Variants in TMEM132D observed in about 807,000 individuals in gnomAD.
The protein encoded by TMEM132D is mature OL transmembrane protein.
In TMEM132D, 21 loss-of-function variants were observed where a neutral mutation model predicts 62.3. The observed-to-expected ratio is 0.34, with a 90% CI of 0.24 to 0.49. TMEM132D has a LOEUF of 0.49. Ranked by LOEUF, TMEM132D falls within the 20% of genes least tolerant of loss-of-function variation. The pLI is 0.99. For synonymous variants in TMEM132D, 621 were observed against 575.6 expected (o/e 1.08, Z -1.13); for missense variants, 1,346 against 1,402.8 (o/e 0.96, Z 0.65).
intron 2 of TMEM132D, among the ~76,000 whole-genome samples, chr12:129,674,608 C>T (rs565408416): frequency 6.6e-5 from 10 of 152,266 alleles, no homozygotes; most frequent in African/African-American, 1.9e-4. Context: ...GGCACTATCT[C>T]GGCTGACTGC....
chr12:129,125,400 C>T (rs560709336), intron 5 of TMEM132D, among the ~76,000 whole-genome samples: 1 of 152,082 alleles, frequency 6.6e-6, no homozygotes, highest in East Asian at 1.9e-4. Context: ...CTTAATCGTC[C>T]TGTGATTAAG....
At chr12:129,648,764 T>G (rs1352407056) in intron 2 of TMEM132D, among the ~76,000 whole-genome samples, 1 of 152,196 alleles carries the variant, frequency 6.6e-6, no homozygotes, top group Non-Finnish European at 1.5e-5. Flanking sequence ...CAATGAATAA[T>G]GCATCAAATA....
At chr12:129,645,403 A>G (rs1344175691) in intron 2 of TMEM132D, among the ~76,000 whole-genome samples, 1 of 152,014 alleles carries the variant, frequency 6.6e-6, no homozygotes, top group Non-Finnish European at 1.5e-5. Flanking sequence ...TCTATAACTT[A>G]CTGTTCGCTT....
chr12:129,285,399 T>C (rs530978573), intron 4 of TMEM132D, among the ~76,000 whole-genome samples: 47 of 151,514 alleles, frequency 3.1e-4, no homozygotes, highest in Non-Finnish European at 4.9e-4. Context: ...TGGTGGTGCA[T>C]GCCTGTAATC....
intron 4 of TMEM132D, chr12:129,262,564 T>C (rs759057616): frequency 2.0e-5 from 3 of 152,244 alleles, no homozygotes; most frequent in Non-Finnish European, 4.4e-5. Flanking sequence ...CATGGCTGTC[T>C]GAGTGGTCTC....
intron 3 of TMEM132D, among the ~76,000 whole-genome samples, chr12:129,474,992 C>A (rs548064982): frequency 6.6e-6 from 1 of 152,270 alleles, no homozygotes; most frequent in Non-Finnish European, 1.5e-5. Context: ...CCTGAGATGG[C>A]CTGCTAGATG....
At chr12:129,091,493 C>G (rs1200307970) in intron 5 of TMEM132D, among the ~76,000 whole-genome samples, 1 of 149,390 alleles carries the variant, frequency 6.7e-6, no homozygotes, top group Non-Finnish European at 1.5e-5. Flanking sequence ...CTTACCTATG[C>G]TCACCTGGGC....
At position 129,337,689 on chromosome 12, in the gene TMEM132D, A is replaced by G. The variant is rs2135658032; in HGVS notation, c.1244T>C (p.Val415Ala). 2 of 1,614,056 alleles carry G rather than the reference A, an allele frequency of 1.2e-6. No homozygotes were observed. The highest frequency in any genetic ancestry group is 2.2e-5 in the East Asian group (1 of 44,850). Residue 415 changes from valine (V) to alanine (A), a missense_variant, in exon 4 of 9, where the codon GTG (valine) becomes GCG (alanine). Val to Ala is a moderately conservative substitution (Grantham distance 64). Coordinates refer to ENST00000422113, the MANE Select transcript of TMEM132D (RefSeq NM_133448.3). ...YPGEITSDLG[V>A]SKIYVSPKDL... is the part of the protein sequence containing the mutation. Reference sequence around the variant, plus strand: ...CTTTGGGCTCACATAGATCTTGGACACTCCCAAGTCAGACGTGATCTCTCC... The same window carrying G: ...CTTTGGGCTCACATAGATCTTGGACGCTCCCAAGTCAGACGTGATCTCTCC...
chr12:129,548,471 A>C (rs761343886), intron 2 of TMEM132D, among the ~76,000 whole-genome samples: 8 of 152,208 alleles, frequency 5.3e-5, no homozygotes, highest in Non-Finnish European at 8.8e-5. Flanking sequence ...ATTTTTCAAG[A>C]GATCCCTCTC....
At chr12:129,272,268 T>C (rs923340743) in intron 4 of TMEM132D, among the ~76,000 whole-genome samples, 2 of 151,582 alleles carry the variant, frequency 1.3e-5, no homozygotes. Flanking sequence ...TCAATCAGGG[T>C]CTACATTTTA....
At chr12:129,568,061 T>C (rs1033258448) in intron 2 of TMEM132D, among the ~76,000 whole-genome samples, 2 of 152,248 alleles carry the variant, frequency 1.3e-5, no homozygotes, top group African/African-American at 4.8e-5. Context: ...CTGTTCACTC[T>C]GGCATGAGGT....
chr12:129,782,836 C>T (rs905832814), intron 1 of TMEM132D, among the ~76,000 whole-genome samples: 10 of 141,334 alleles, frequency 7.1e-5, no homozygotes, highest in African/African-American at 2.2e-4. Context: ...GTCAGTCCCA[C>T]GGCCTCCCCT....
intron 1 of TMEM132D, among the ~76,000 whole-genome samples, chr12:129,770,175 T>C (rs1389180224): frequency 7.1e-6 from 1 of 140,218 alleles, no homozygotes; most frequent in Non-Finnish European, 1.5e-5. Flanking sequence ...ATCAGATCTT[T>C]CTCTGTCACT....
intron 3 of TMEM132D, among the ~76,000 whole-genome samples, chr12:129,395,705 C>A (rs1260769186): frequency 2.0e-5 from 2 of 99,374 alleles, no homozygotes; most frequent in Non-Finnish European, 4.4e-5. Context: ...ATAGATATAT[C>A]TGTATATCTA....
intron 3 of TMEM132D, among the ~76,000 whole-genome samples, chr12:129,448,767 C>T (rs1013685889): frequency 2.0e-5 from 3 of 152,142 alleles, no homozygotes; most frequent in African/African-American, 4.8e-5. Flanking sequence ...ACTTGCCCTG[C>T]GTGTTAACAG....
intron 2 of TMEM132D, among the ~76,000 whole-genome samples, chr12:129,634,065 C>G (rs1879416678): frequency 6.6e-6 from 1 of 152,136 alleles, no homozygotes; most frequent in South Asian, 2.1e-4. Context: ...AATTCTTTCC[C>G]ACTCCAAACA....
intron 3 of TMEM132D, among the ~76,000 whole-genome samples, chr12:129,343,814 G>A (rs577295259): frequency 6.6e-6 from 1 of 152,064 alleles, no homozygotes; most frequent in South Asian, 2.1e-4. Context: ...GCGTATGCCT[G>A]TAATCCCAGG....
At chr12:129,742,425 T>C (rs977287226) in intron 1 of TMEM132D, among the ~76,000 whole-genome samples, 3 of 152,082 alleles carry the variant, frequency 2.0e-5, no homozygotes, top group Non-Finnish European at 4.4e-5. Flanking sequence ...CAGTCAGATC[T>C]CATGGTAACT....
intron 3 of TMEM132D, among the ~76,000 whole-genome samples, chr12:129,525,134 C>T (rs1875983858): frequency 6.8e-6 from 1 of 147,966 alleles, no homozygotes; most frequent in African/African-American, 2.5e-5. Flanking sequence ...ACCATGTTGG[C>T]CAGGATGGTC....
Sources: gnomAD v4.1 joint callset for allele counts (sites outside exome capture counted in the v4.1 genomes callset) on GRCh38, gnomAD v4.1.1 for gene constraint, MANE v1.5 for transcripts, NCBI Gene and HGNC (gene_info 2026-07-23, HGNC 2026-07-21) for gene names.